The following TRIM5 variants were observed in gnomAD, a reference collection of about 807,000 sequenced individuals.
TRIM5 encodes the protein tripartite motif containing 5.
In TRIM5, 31 loss-of-function variants were observed where a neutral mutation model predicts 35.6. The observed-to-expected ratio is 0.87, with a 90% CI of 0.65 to 1.18. The LOEUF is 1.18. TRIM5 is among the 50% of genes most tolerant of loss of function. The probability of loss-of-function intolerance (pLI) is 0.00; values close to 1 mark genes in which losing one functional copy is unlikely to be tolerated. For missense variants in TRIM5, 609 were observed against 591.6 expected (o/e 1.03, Z -0.31); for synonymous variants, 243 against 215.6 (o/e 1.13, Z -1.11).
chr11:5,612,394 T>TAA, the TRIM5 span: 1 of 151,112 alleles, frequency 6.6e-6, no homozygotes, highest in African/African-American at 2.4e-5. Context: ...TCTCTACATT[T>TAA]AAGAGTAGCA....
intron 7 of TRIM5, 104 bp downstream of exon 7, chr11:5,665,552 A>T (rs763539529): frequency 5.7e-6 from 9 of 1,574,694 alleles, no homozygotes; most frequent in Non-Finnish European, 7.7e-6. Context: ...GAGAATCATA[A>T]ATCTTAAAAC....
the TRIM5 span, among the ~76,000 whole-genome samples, chr11:5,592,586 T>C: frequency 6.6e-6 from 1 of 151,798 alleles, no homozygotes; most frequent in Non-Finnish European, 1.5e-5. Flanking sequence ...CAAAACAAAT[T>C]TTTAAAAAGA....
chr11:5,636,012 G>C, the TRIM5 span, among the ~76,000 whole-genome samples: 1 of 152,190 alleles, frequency 6.6e-6, no homozygotes, highest in African/African-American at 2.4e-5. Context: ...GTTCTCATGT[G>C]GCCTAGCCAT....
At chr11:5,615,845 G>A in the TRIM5 span, among the ~76,000 whole-genome samples, 3 of 150,496 alleles carry the variant, frequency 2.0e-5, no homozygotes, top group Admixed American at 6.6e-5. Context: ...CACCCGCCTC[G>A]GCCTCCCAAA....
At chr11:5,639,405 G>T in the TRIM5 span, among the ~76,000 whole-genome samples, 1 of 152,050 alleles carries the variant, frequency 6.6e-6, no homozygotes, top group African/African-American at 2.4e-5. Context: ...TGGAGGCCAG[G>T]CGCGGTGGCT....
downstream of TRIM5, among the ~76,000 whole-genome samples, chr11:5,661,469 T>C (rs966343934): frequency 6.6e-6 from 1 of 152,198 alleles, no homozygotes; most frequent in Admixed American, 6.5e-5. Context: ...CTTTACTCAG[T>C]GTCCTGCAGA....
chr11:5,684,883 T>A lies in TRIM5; in HGVS notation c.-77A>T, dbSNP rs1852894713. ...TTAAACTCACCAAGGTAAATACAGT[T>A]TTGTCCCAAAGACTTCCTACTTCTG... On this transcript the variant is annotated 5_prime_UTR_variant, in exon 1 of 8. Coordinates refer to ENST00000380034, the MANE Select transcript of TRIM5 (RefSeq NM_033034.3). The A allele has an allele frequency of 6.6e-6, 1 of 152,202 alleles. No homozygotes were observed. The allele number at this position is 152,202 out of a possible 1,614,324, so 9.4% of individuals were successfully genotyped here. A position where few individuals can be genotyped will look rare whatever the true frequency, so the allele number is the denominator to read the frequency against.
At chr11:5,644,788 G>T in the TRIM5 span, among the ~76,000 whole-genome samples, 102 of 152,212 alleles carry the variant, frequency 6.7e-4, no homozygotes, top group African/African-American at 2.2e-3. Flanking sequence ...TGGGATTTTT[G>T]TCCTGCCCAA....
intron 4 of TRIM5, among the ~76,000 whole-genome samples, chr11:5,670,170 C>CTT (rs3060972): frequency 0.032 from 1,944 of 60,258 alleles, 98 homozygotes; most frequent in African/African-American, 0.059. Flanking sequence ...AGATGCCCAT[C>CTT]TTTTTTTTTT....
downstream of TRIM5, among the ~76,000 whole-genome samples, chr11:5,660,554 T>C (rs551223939): frequency 3.2e-4 from 48 of 152,316 alleles, no homozygotes; most frequent in African/African-American, 1.1e-3. Context: ...CCTTCATTAA[T>C]GGAAATAGAA....
chr11:5,602,586 A>T, the TRIM5 span, among the ~76,000 whole-genome samples: 1 of 151,940 alleles, frequency 6.6e-6, no homozygotes, highest in African/African-American at 2.4e-5. Context: ...ATCACGAACG[A>T]CAAATGCAAA....
At chr11:5,592,343 A>G in the TRIM5 span, among the ~76,000 whole-genome samples, 1 of 152,158 alleles carries the variant, frequency 6.6e-6, no homozygotes, top group Admixed American at 6.5e-5. Context: ...CTCCACATAT[A>G]CTTGCATATT....
the TRIM5 span, chr11:5,633,751 C>G: frequency 1.3e-6 from 2 of 1,559,336 alleles, no homozygotes; most frequent in Non-Finnish European, 8.7e-7. Flanking sequence ...TGTCCTCTAT[C>G]CAGATACTAA....
chr11:5,606,099 T>C, the TRIM5 span, among the ~76,000 whole-genome samples: 3 of 152,204 alleles, frequency 2.0e-5, no homozygotes. Flanking sequence ...GATGCTGTGT[T>C]GGGAATTTGC....
In TRIM5 at chr11:5,667,595, A is replaced by G. The variant is rs567160051; in HGVS notation, c.767+94T>C. The G allele has an allele frequency of 1.8e-4, 234 of 1,331,016 alleles. 1 individual carries two copies. In the African/African-American group the frequency reaches 3.3e-3, roughly 19 times the overall value. The allele number at this position is 1,331,016 out of a possible 1,614,324, so 82.5% of individuals were successfully genotyped here. The stretch of plus-strand genomic sequence containing the variant: ...AATATCGAAATTTTTCTGCCCTGGG[A>G]GATGTTTTATTCTAATTAAACCCAG... On this transcript the variant is annotated intron_variant, in intron 5 of 7. Coordinates refer to ENST00000380034, the MANE Select transcript of TRIM5 (RefSeq NM_033034.3).
At chr11:5,641,896 C>T in the TRIM5 span, among the ~76,000 whole-genome samples, 1 of 152,130 alleles carries the variant, frequency 6.6e-6, no homozygotes, top group South Asian at 2.1e-4. Context: ...AATCTGAAAT[C>T]TCAAATATGC....
At chr11:5,615,153 C>T in the TRIM5 span, among the ~76,000 whole-genome samples, 1 of 152,068 alleles carries the variant, frequency 6.6e-6, no homozygotes, top group Admixed American at 6.6e-5. Flanking sequence ...TGACTTGAAT[C>T]CTTTTTAATT....
chr11:5,665,869 C>T, intron 6 of TRIM5, 112 bp downstream of exon 6: 1 of 1,241,642 alleles, frequency 8.1e-7, no homozygotes, highest in African/African-American at 1.5e-5. Context: ...CAGACAATAT[C>T]TATCCTCCCC....
At chr11:5,666,298 A>T (rs1851132977) in intron 5 of TRIM5, 1 of 642,100 alleles carries the variant, frequency 1.6e-6, no homozygotes, top group African/African-American at 1.8e-5. Flanking sequence ...GAAGATCTTA[A>T]CCTCTCAGAA....
Sources: allele counts gnomAD v4.1 joint callset (sites outside exome capture counted in the v4.1 genomes callset), GRCh38; gene constraint gnomAD v4.1.1; transcripts MANE v1.5; gene names NCBI Gene and HGNC (gene_info 2026-07-23, HGNC 2026-07-21).